The following DSCAM variants were observed in gnomAD, a reference collection of about 807,000 sequenced individuals.
DSCAM encodes the protein DS cell adhesion molecule, also known as cell adhesion molecule DSCAM.
DSCAM carries 47 observed loss-of-function variants against 217.7 expected under a neutral mutation model. That is an observed-to-expected ratio of 0.22 (90% CI 0.17 to 0.28). DSCAM has a LOEUF of 0.28. Ranked by LOEUF, DSCAM falls within the 10% of genes least tolerant of loss-of-function variation. DSCAM has a pLI of 1.00. For missense variants in DSCAM, 2,080 were observed against 2,618.3 expected, an observed-to-expected ratio of 0.79 and a Z score of 4.49; for synonymous variants, 1,056 against 1,015.3, an observed-to-expected ratio of 1.04 and a Z score of -0.76.
chr21:40,347,484 T>C (rs2074571401), intron 6 of DSCAM, among the ~76,000 whole-genome samples, 186 bp downstream of exon 6: 1 of 152,196 alleles, frequency 6.6e-6, no homozygotes, highest in African/African-American at 2.4e-5. Context: ...GAAACAATTT[T>C]ATTTTCGTCA....
chr21:40,276,723 A>G (rs1412072010), intron 10 of DSCAM, among the ~76,000 whole-genome samples: 1 of 152,216 alleles, frequency 6.6e-6, no homozygotes, highest in Non-Finnish European at 1.5e-5. Flanking sequence ...GTCTGAGGCT[A>G]CAAAGAGAAT....
At chr21:40,629,199 T>C (rs530996911) in intron 3 of DSCAM, among the ~76,000 whole-genome samples, 1 of 152,258 alleles carries the variant, frequency 6.6e-6, no homozygotes, top group East Asian at 1.9e-4. Context: ...TCTACTCTTA[T>C]GCAGAGGCCC....
In DSCAM at chr21:40,523,800, A is replaced by C. The variant is rs1013579474; in HGVS notation, c.509-154555T>G. ...CCAATAGAGCACACAGTAACACACA[A>C]ACACACACACACACACACACTGGGG... On this transcript the variant is annotated intron_variant, in intron 3 of 32. Coordinates refer to ENST00000400454, the MANE Select transcript of DSCAM (RefSeq NM_001389.5). 4.7e-5 allele frequency among the ~76,000 whole-genome samples: 7 copies of C among 149,946 alleles called. No homozygotes were observed. The East Asian group carries it at 5.9e-4, about 13-fold the overall frequency.
intron 11 of DSCAM, among the ~76,000 whole-genome samples, chr21:40,199,371 G>A (rs2091047790): frequency 6.6e-6 from 1 of 152,074 alleles, no homozygotes; most frequent in African/African-American, 2.4e-5. Context: ...ATGTATACAT[G>A]CCACATTTTC....
intron 3 of DSCAM, among the ~76,000 whole-genome samples, chr21:40,587,673 A>G (rs555197510): frequency 6.6e-6 from 1 of 152,332 alleles, no homozygotes; most frequent in South Asian, 2.1e-4. Context: ...CTGCAGCACA[A>G]GTTTTAGCCC....
intron 6 of DSCAM, among the ~76,000 whole-genome samples, chr21:40,346,687 A>C (rs2074561191): frequency 6.6e-6 from 1 of 152,190 alleles, no homozygotes; most frequent in Non-Finnish European, 1.5e-5. Flanking sequence ...AAAAAAGCAA[A>C]TCGTATCACA....
intron 3 of DSCAM, among the ~76,000 whole-genome samples, chr21:40,377,951 G>T (rs888194621): frequency 4.6e-5 from 7 of 152,164 alleles, no homozygotes; most frequent in African/African-American, 1.7e-4. Context: ...GAACATCCAT[G>T]TAAGAACCTG....
At chr21:40,658,427 C>G (rs1785909857) in intron 3 of DSCAM, among the ~76,000 whole-genome samples, 1 of 152,184 alleles carries the variant, frequency 6.6e-6, no homozygotes, top group Non-Finnish European at 1.5e-5. Context: ...GTGGTTTGCA[C>G]TTCATAAGAG....
chr21:40,837,048 T>C (rs962228596), intron 1 of DSCAM, among the ~76,000 whole-genome samples: 4 of 152,180 alleles, frequency 2.6e-5, no homozygotes, highest in Admixed American at 1.3e-4. Context: ...TCCTCGATCC[T>C]TACCTGGGAA....
chr21:40,075,279 G>A, intron 26 of DSCAM, 66 bp from the exon 27 acceptor site: 1 of 1,559,086 alleles, frequency 6.4e-7, no homozygotes, highest in Non-Finnish European at 8.8e-7. Flanking sequence ...TTTTAGGGAT[G>A]ACAGGTTATA....
chr21:40,139,196 C>T, intron 18 of DSCAM, among the ~76,000 whole-genome samples: 1 of 151,142 alleles, frequency 6.6e-6, no homozygotes, highest in Non-Finnish European at 1.5e-5. Context: ...CCCTGAAAAC[C>T]TGAGACAGGT....
intron 9 of DSCAM, among the ~76,000 whole-genome samples, chr21:40,305,317 A>T (rs895091343): frequency 1.3e-5 from 2 of 149,108 alleles, no homozygotes; most frequent in Non-Finnish European, 3.0e-5. Flanking sequence ...GTGAACCCGG[A>T]AGGTAGAGGT....
At chr21:40,657,881 T>C (rs2090093661) in intron 3 of DSCAM, among the ~76,000 whole-genome samples, 2 of 152,318 alleles carry the variant, frequency 1.3e-5, no homozygotes, top group East Asian at 3.9e-4. Context: ...GAATTTTTTC[T>C]GTATGCTTTT....
At chr21:40,277,495 C>T (rs1407657822) in intron 10 of DSCAM, among the ~76,000 whole-genome samples, 1 of 152,088 alleles carries the variant, frequency 6.6e-6, no homozygotes, top group South Asian at 2.1e-4. Flanking sequence ...TTGTCTCTAG[C>T]CCCACTGAAG....
intron 15 of DSCAM, among the ~76,000 whole-genome samples, chr21:40,171,473 C>T (rs1306605126): frequency 6.6e-6 from 1 of 151,752 alleles, no homozygotes; most frequent in Non-Finnish European, 1.5e-5. Context: ...AATGTAACAG[C>T]TTTATTACTT....
At position 40,292,042 on chromosome 21, in the gene DSCAM, C is replaced by T. The variant is rs2073898493; in HGVS notation, c.2182+4013G>A. 2.0e-5 allele frequency among the ~76,000 whole-genome samples: 3 copies of T among 147,978 alleles called. No individual in the cohort carries two copies. The South Asian group carries it at 6.4e-4, about 32-fold the overall frequency. ...CTTCTGGGAGTACAGGTGAGACCCA[C>T]CTCAGAATGAAGCCCTGATTTTTTT... On this transcript the variant is annotated intron_variant, in intron 10 of 32. Coordinates refer to ENST00000400454, the MANE Select transcript of DSCAM (RefSeq NM_001389.5).
rs1413808741 is a variant in DSCAM at position 40,013,373 on chromosome 21, A to C, written c.5700T>G (p.His1900Gln). ...PKAHRPGDLI[H>Q]LPPYLRMDFL... ...AGTCCATTCTAAGGTATGGAGGCAA[A>C]TGTATGAGGTCACCTAGAAGGAAAG... The change falls in exon 33 of 33, where the codon CAT becomes CAG. Residue 1900 changes from histidine to glutamine, a missense_variant. Physicochemically the swap from His to Gln is conservative, Grantham distance 24. Coordinates refer to ENST00000400454, the MANE Select transcript of DSCAM (RefSeq NM_001389.5). 3.8e-6 allele frequency: 6 copies of C among 1,560,008 alleles called. No individual in the cohort carries two copies. In the African/African-American group the frequency reaches 8.2e-5, roughly 21 times the overall value.
chr21:40,669,799 G>A (rs185580025), intron 3 of DSCAM, among the ~76,000 whole-genome samples: 5 of 152,028 alleles, frequency 3.3e-5, no homozygotes, highest in Admixed American at 2.0e-4. Flanking sequence ...GGCTCATCTC[G>A]AACTCAGGTA....
chr21:40,555,024 A>T (rs1427999987), intron 3 of DSCAM, among the ~76,000 whole-genome samples: 1 of 152,256 alleles, frequency 6.6e-6, no homozygotes, highest in East Asian at 1.9e-4. Context: ...ATTAACAAAT[A>T]AAAGAATGAG....
Sources: gnomAD v4.1 joint callset for allele counts (sites outside exome capture counted in the v4.1 genomes callset) on GRCh38, gnomAD v4.1.1 for gene constraint, MANE v1.5 for transcripts, NCBI Gene and HGNC (gene_info 2026-07-23, HGNC 2026-07-21) for gene names.